Variants in ZNF714 observed in about 807,000 individuals in gnomAD.
The protein encoded by ZNF714 is zinc finger protein 714.
A neutral mutation model predicts 46.2 loss-of-function variants in ZNF714; 32 were observed. The ratio of observed to expected loss-of-function variants is 0.69; its 90% CI spans 0.52 to 0.93. The LOEUF (loss-of-function observed/expected upper bound fraction) is 0.93, where lower values mean the gene tolerates loss of function less well. Among genes scored for constraint, ZNF714 ranks in the 40% least tolerant of loss-of-function variants. The pLI, the probability that ZNF714 is intolerant of heterozygous loss-of-function variation, is 0.00. For missense variants in ZNF714, 635 were observed against 646.3 expected (o/e 0.98, Z 0.19); for synonymous variants, 199 against 213.1 (o/e 0.93, Z 0.58).
At chr19:21,105,133 TCCTGCCTCAG>T (rs980561707) in intron 4 of ZNF714, among the ~76,000 whole-genome samples, 52 of 151,266 alleles carry the variant, frequency 3.4e-4, no homozygotes, top group African/African-American at 1.0e-3. Context: ...TAAGTGATTC[TCCTGCCTCAG>T]CCTGCCTCAG....
At chr19:21,084,945 T>C (rs1465485125) in intron 2 of ZNF714, among the ~76,000 whole-genome samples, 1 of 152,140 alleles carries the variant, frequency 6.6e-6, no homozygotes, top group Non-Finnish European at 1.5e-5. Context: ...ACAAAGGGCA[T>C]AAAAGAGATG....
chr19:21,117,924 T>A lies in ZNF714; in HGVS notation c.1260T>A (p.Thr420=). Residue 420 remains threonine (T), a synonymous_variant, in exon 5 of 5, where the codon ACT becomes ACA. Coordinates refer to ENST00000456283, the MANE Select transcript of ZNF714 (RefSeq NM_182515.4). ...SNLTKHKIIH[T]GEKLYKCEEC... is the part of the protein sequence containing the mutation. ...TTACCAAACATAAGATAATTCATAC[T>A]GGAGAGAAACTCTACAAATGTGAAG... The A allele has an allele frequency of 6.2e-7, 1 of 1,613,132 alleles. No individual in the cohort carries two copies. The highest frequency in any genetic ancestry group is 8.5e-7 in the Non-Finnish European group (1 of 1,179,840).
At position 21,117,029 on chromosome 19, in the gene ZNF714, A is replaced by G. The variant is rs1372803870; in HGVS notation, c.365A>G (p.Tyr122Cys). 1 of 1,613,184 alleles carries G rather than the reference A, an allele frequency of 6.2e-7. No individual in the cohort carries two copies. Among genetic ancestry groups the G allele is most frequent in the Non-Finnish European group, 8.5e-7 (1 of 1,179,454 alleles). The change falls in exon 5 of 5, where the codon TAT becomes TGT. Residue 122 changes from tyrosine to cysteine, a missense_variant. Coordinates refer to ENST00000456283, the MANE Select transcript of ZNF714 (RefSeq NM_182515.4). Reference protein sequence around the residue: ...TQSKIFPCDKYIKVFHKIFNS... With the variant: ...TQSKIFPCDKCIKVFHKIFNS... Reference sequence around the variant, plus strand: ...AGCAAAATATTTCCATGTGATAAATATATAAAAGTCTTTCATAAAATTTTC... The same window carrying G: ...AGCAAAATATTTCCATGTGATAAATGTATAAAAGTCTTTCATAAAATTTTC...
intron 4 of ZNF714, among the ~76,000 whole-genome samples, chr19:21,109,083 A>G (rs180908016): frequency 3.1e-4 from 35 of 113,554 alleles, no homozygotes; most frequent in African/African-American, 9.8e-4. Context: ...TGTGGTTACT[A>G]TTTGCATGGA....
In ZNF714 at chr19:21,122,626, T is replaced by C. The variant is rs1033041012; in HGVS notation, c.*4294T>C. 6.6e-6 allele frequency: 1 copy of C among 152,038 alleles called. No homozygotes were observed. The highest frequency in any genetic ancestry group is 6.6e-5 in the Admixed American group (1 of 15,258). 9.4% of individuals were successfully genotyped at this position (152,038 alleles called of 1,614,324 possible). On this transcript the variant is annotated 3_prime_UTR_variant, in exon 5 of 5. Transcript: ENST00000456283. ...TCATAAAAAAAAAAATAAATTCTGC[T>C]TCTTTTATTTTCTACTTCTCTTCAG...
chr19:21,100,766 A>G (rs1434322582), intron 4 of ZNF714, among the ~76,000 whole-genome samples: 1 of 152,124 alleles, frequency 6.6e-6, no homozygotes, highest in Non-Finnish European at 1.5e-5. Context: ...GCTGGAGTGC[A>G]ATGGCGCGAT....
At chr19:21,099,398 T>C (rs1222893069) in intron 4 of ZNF714, among the ~76,000 whole-genome samples, 2 of 152,146 alleles carry the variant, frequency 1.3e-5, no homozygotes, top group Non-Finnish European at 2.9e-5. Flanking sequence ...CAGGCTGGTC[T>C]TGTACTCCTG....
Position 21,121,525 on chromosome 19 carries a change from A to G in ZNF714, c.*3193A>G, listed in dbSNP as rs566918147. On this transcript the variant is annotated 3_prime_UTR_variant, in exon 5 of 5. Coordinates refer to ENST00000456283, the MANE Select transcript of ZNF714 (RefSeq NM_182515.4). ...GAACATGTGGCCTGTCTGCCTGCAA[A>G]CATGCAGACTTTTTGATTCACATAG... The G allele has an allele frequency of 6.6e-6, 1 of 152,318 alleles. No individual in the cohort carries two copies. The highest frequency in any genetic ancestry group is 6.5e-5 in the Admixed American group (1 of 15,302). The allele number at this position is 152,318 out of a possible 1,614,324, so 9.4% of individuals were successfully genotyped here. A position where few individuals can be genotyped will look rare whatever the true frequency, so the allele number is the denominator to read the frequency against.
At chr19:21,114,670 A>G (rs1969549199) in intron 4 of ZNF714, among the ~76,000 whole-genome samples, 1 of 152,068 alleles carries the variant, frequency 6.6e-6, no homozygotes, top group Non-Finnish European at 1.5e-5. Flanking sequence ...GTTATGTTTG[A>G]TTTTGATTCT....
chr19:21,082,394 T>C lies in ZNF714; in HGVS notation c.-177+46T>C, dbSNP rs766033016. The C allele has an allele frequency of 3.9e-5, 56 of 1,444,196 alleles. 1 individual carries two copies. In the Admixed American group the frequency reaches 9.3e-4, roughly 24 times the overall value. 89.5% of individuals were successfully genotyped at this position (1,444,196 alleles called of 1,614,324 possible). A position where few individuals can be genotyped will look rare whatever the true frequency, so the allele number is the denominator to read the frequency against. The stretch of plus-strand genomic sequence containing the variant: ...ATCCCGAGAGAGGGGAAGGGGCGGG[T>C]TGTAAGCGGTGGGAAGTGGCTGTGG... On this transcript the variant is annotated intron_variant, in intron 1 of 4. Coordinates refer to ENST00000456283, the MANE Select transcript of ZNF714 (RefSeq NM_182515.4).
chr19:21,099,169 TTTTTG>T (rs570801039), intron 4 of ZNF714, among the ~76,000 whole-genome samples: 8 of 152,104 alleles, frequency 5.3e-5, no homozygotes, highest in African/African-American at 1.9e-4. Context: ...ACACTGTTTT[TTTTTG>T]TTTTGTTTTG....
In ZNF714 at chr19:21,120,479, G is replaced by A. The variant is rs1249894094; in HGVS notation, c.*2147G>A. 1.3e-5 allele frequency: 2 copies of A among 152,284 alleles called. No homozygotes were observed. Among genetic ancestry groups the A allele is most frequent in the African/African-American group, 4.8e-5 (2 of 41,454 alleles). 9.4% of individuals were successfully genotyped at this position (152,284 alleles called of 1,614,324 possible). On this transcript the variant is annotated 3_prime_UTR_variant, in exon 5 of 5. Coordinates refer to ENST00000456283, the MANE Select transcript of ZNF714 (RefSeq NM_182515.4). ...TAACTTATAATATTGAGTGGTGCAT[G>A]AGGTTGGTGTTCAGAGTAATATTCT...
chr19:21,092,838 T>C (rs1447209039), intron 2 of ZNF714, among the ~76,000 whole-genome samples: 2 of 152,136 alleles, frequency 1.3e-5, no homozygotes, highest in African/African-American at 4.8e-5. Flanking sequence ...TTTGGTTTTC[T>C]GTTTCTGTTT....
intron 4 of ZNF714, among the ~76,000 whole-genome samples, chr19:21,114,240 C>T (rs1335206348): frequency 1.3e-5 from 2 of 151,964 alleles, no homozygotes; most frequent in African/African-American, 4.8e-5. Context: ...AGATCGAGAC[C>T]ATCCTAGCTA....
intron 4 of ZNF714, among the ~76,000 whole-genome samples, chr19:21,112,864 C>G (rs1969489973): frequency 1.9e-5 from 2 of 108,016 alleles, no homozygotes; most frequent in Non-Finnish European, 3.7e-5. Flanking sequence ...GCTCTGTCGC[C>G]CAGGCTGGAG....
chr19:21,098,668 T>C (rs958154277), intron 3 of ZNF714, 144 bp from the exon 4 acceptor site: 2 of 559,298 alleles, frequency 3.6e-6, no homozygotes, highest in Admixed American at 3.7e-5. Context: ...AAATATTTTC[T>C]AAATAGTTAG....
chr19:21,112,840 T>TTTTTTTTTTTTTTTTTA (rs1969488315), intron 4 of ZNF714, among the ~76,000 whole-genome samples: 1 of 133,078 alleles, frequency 7.5e-6, no homozygotes, highest in Non-Finnish European at 1.6e-5. Context: ...TTTTTTTTTT[T>TTTTTTTTTTTTTTTTTA]GAGACGGAGT....
At position 21,119,049 on chromosome 19, in the gene ZNF714, A is replaced by G. The variant is rs1294263729; in HGVS notation, c.*717A>G. On this transcript the variant is annotated 3_prime_UTR_variant, in exon 5 of 5. Coordinates refer to ENST00000456283, the MANE Select transcript of ZNF714 (RefSeq NM_182515.4). The stretch of plus-strand genomic sequence containing the variant: ...TAATATATGTTCATATCTCAACACC[A>G]GATAGTTCATACTTAATAAAAGCAT... 2.4e-6 allele frequency: 1 copy of G among 425,078 alleles called. No homozygotes were observed. The highest frequency in any genetic ancestry group is 4.6e-6 in the Non-Finnish European group (1 of 216,586). The allele number at this position is 425,078 out of a possible 1,614,324, so 26.3% of individuals were successfully genotyped here.
chr19:21,111,354 A>C (rs867361244), intron 4 of ZNF714, among the ~76,000 whole-genome samples: 18 of 152,028 alleles, frequency 1.2e-4, no homozygotes, highest in African/African-American at 4.3e-4. Flanking sequence ...TTTATTCATG[A>C]TTTGGCTGTC....
Sources: gnomAD v4.1 joint callset for allele counts (sites outside exome capture counted in the v4.1 genomes callset) on GRCh38, gnomAD v4.1.1 for gene constraint, MANE v1.5 for transcripts, NCBI Gene and HGNC (gene_info 2026-07-23, HGNC 2026-07-21) for gene names.